The following METTL25 variants were observed in gnomAD, a reference collection of about 807,000 sequenced individuals.
The protein encoded by METTL25 is probable methyltransferase-like protein 25.
Under a neutral mutation model 71.6 loss-of-function variants are expected in METTL25, and 64 were observed. The ratio of observed to expected loss-of-function variants is 0.89; its 90% CI spans 0.73 to 1.10. The LOEUF is 1.10. Ranked by LOEUF, METTL25 falls within the 50% of genes least tolerant of loss-of-function variation. The pLI, the probability that METTL25 is intolerant of heterozygous loss-of-function variation, is 0.00. For missense variants in METTL25, 807 were observed against 707.0 expected (o/e 1.14, Z -1.60); for synonymous variants, 287 against 250.3 (o/e 1.15, Z -1.38).
At chr12:82,384,106 T>C (rs560704276) in intron 1 of METTL25, among the ~76,000 whole-genome samples, 25 of 152,210 alleles carry the variant, frequency 1.6e-4, no homozygotes, top group Non-Finnish European at 1.8e-4. Flanking sequence ...TAGAGGGAGA[T>C]GTAGGCCAAA....
At chr12:82,419,657 G>A (rs1463128901) in intron 5 of METTL25, among the ~76,000 whole-genome samples, 1 of 145,902 alleles carries the variant, frequency 6.9e-6, no homozygotes, top group Non-Finnish European at 1.5e-5. Flanking sequence ...AAACCACAAT[G>A]AAATGTCACC....
intron 1 of METTL25, among the ~76,000 whole-genome samples, chr12:82,364,511 T>A (rs778767631): frequency 1.4e-4 from 21 of 152,254 alleles, no homozygotes; most frequent in Non-Finnish European, 2.5e-4. Context: ...AAATTTTTCA[T>A]GTTTAGTAGG....
chr12:82,381,526 T>C (rs1668174017), intron 1 of METTL25, among the ~76,000 whole-genome samples: 1 of 152,220 alleles, frequency 6.6e-6, no homozygotes, highest in Admixed American at 6.5e-5. Context: ...TTAGGCAAAA[T>C]GTTTTCTAGC....
intron 8 of METTL25, among the ~76,000 whole-genome samples, chr12:82,446,469 C>G (rs2642017): frequency 0.92 from 139,499 of 152,022 alleles, 64,421 homozygotes; most frequent in East Asian, 1. Context: ...TATCAAGTAT[C>G]ATTTCTGACT....
At chr12:82,407,634 G>A (rs1887206853) in intron 5 of METTL25, among the ~76,000 whole-genome samples, 1 of 152,092 alleles carries the variant, frequency 6.6e-6, no homozygotes, top group Non-Finnish European at 1.5e-5. Flanking sequence ...TGTCAGGAAA[G>A]CAAAGAATAA....
intron 9 of METTL25, among the ~76,000 whole-genome samples, chr12:82,475,018 A>G (rs1398771560): frequency 2.6e-5 from 4 of 152,236 alleles, no homozygotes; most frequent in Admixed American, 2.6e-4. Context: ...AACAAAATCA[A>G]CAGTCTCTAG....
chr12:82,363,726 A>G (rs1882225536), intron 1 of METTL25, among the ~76,000 whole-genome samples: 1 of 81,226 alleles, frequency 1.2e-5, no homozygotes, highest in Admixed American at 1.5e-4. Flanking sequence ...AAAAAACTAG[A>G]TGTTTAAAAA....
intron 8 of METTL25, among the ~76,000 whole-genome samples, chr12:82,447,163 C>G (rs1890816368): frequency 1.3e-5 from 2 of 151,886 alleles, no homozygotes; most frequent in African/African-American, 2.4e-5. Flanking sequence ...CACGGAAGAT[C>G]AATGAAATGA....
At chr12:82,451,929 TTGG>T (rs1322835326) in intron 8 of METTL25, among the ~76,000 whole-genome samples, 1 of 152,142 alleles carries the variant, frequency 6.6e-6, no homozygotes, top group Admixed American at 6.6e-5. Context: ...TCTTTTCTCT[TTGG>T]TGAATGGTTT....
chr12:82,456,123 TTTATCCTC>T (rs914817026), intron 8 of METTL25, among the ~76,000 whole-genome samples: 13 of 152,042 alleles, frequency 8.6e-5, no homozygotes, highest in Middle Eastern at 3.4e-3. Flanking sequence ...AGTTAATTTT[TTTATCCTC>T]TTGATTTTTA....
chr12:82,464,963 A>G (rs1329604238), intron 9 of METTL25, among the ~76,000 whole-genome samples: 1 of 151,718 alleles, frequency 6.6e-6, no homozygotes, highest in Non-Finnish European at 1.5e-5. Flanking sequence ...ATGTTCTGCA[A>G]TTTTACTAAA....
chr12:82,411,552 T>C (rs1363467304), intron 5 of METTL25, among the ~76,000 whole-genome samples: 1 of 150,838 alleles, frequency 6.6e-6, no homozygotes, highest in South Asian at 2.1e-4. Flanking sequence ...TTATAAATGG[T>C]AAGAAAAAAA....
chr12:82,402,542 A>G (rs1182421183), intron 4 of METTL25, among the ~76,000 whole-genome samples: 2 of 152,164 alleles, frequency 1.3e-5, no homozygotes, highest in Non-Finnish European at 2.9e-5. Context: ...AGTTGTAAAA[A>G]GAGATCACAG....
chr12:82,386,930 G>A lies in METTL25; in HGVS notation c.387G>A (p.Leu129=), dbSNP rs757260059. 2.5e-6 allele frequency: 4 copies of A among 1,613,004 alleles called. No individual in the cohort carries two copies. The Admixed American group carries it at 5.0e-5, about 20-fold the overall frequency. ...NLGICTPFEQ[L]LVALRGNQNQ... is the part of the protein sequence containing the mutation. ...GAATATGTACTCCTTTTGAACAGTTGCTTGTAGCCCTTCGAGGAAATCAAA... is the reference window on the plus strand; with the variant it reads ...GAATATGTACTCCTTTTGAACAGTTACTTGTAGCCCTTCGAGGAAATCAAA... Residue 129 remains leucine, a synonymous_variant, in exon 2 of 12, where the codon TTG becomes TTA. Transcript: ENST00000248306.
At chr12:82,363,938 C>G (rs1381086017) in intron 1 of METTL25, among the ~76,000 whole-genome samples, 3 of 151,978 alleles carry the variant, frequency 2.0e-5, no homozygotes, top group African/African-American at 7.3e-5. Context: ...TAAAGAGCTC[C>G]AAGAAAATAC....
intron 5 of METTL25, among the ~76,000 whole-genome samples, chr12:82,409,022 A>G (rs1220859050): frequency 6.6e-6 from 1 of 152,134 alleles, no homozygotes; most frequent in African/African-American, 2.4e-5. Context: ...AGTTATTAAT[A>G]GTCTAGCATA....
At chr12:82,418,919 T>G (rs1888221067) in intron 5 of METTL25, among the ~76,000 whole-genome samples, 1 of 152,060 alleles carries the variant, frequency 6.6e-6, no homozygotes. Flanking sequence ...CTAATTTGAT[T>G]TGAGAAAAAG....
chr12:82,423,408 C>T (rs1229164079), intron 5 of METTL25, among the ~76,000 whole-genome samples: 3 of 152,160 alleles, frequency 2.0e-5, no homozygotes, highest in Admixed American at 2.0e-4. Context: ...GGATTAAAGA[C>T]TTACATGTTA....
rs1452384638 is a variant in METTL25 at position 82,399,044 on chromosome 12, G to T, written c.781G>T (p.Val261Leu). The T allele has an allele frequency of 1.2e-6, 2 of 1,612,504 alleles. No homozygotes were observed. Among genetic ancestry groups the T allele is most frequent in the Middle Eastern group, 1.7e-4 (1 of 6,050 alleles). Reference sequence around the variant, plus strand: ...TAAAAATAAAGCTGATACTGAGGAAGTGTTTAACAACAGTCCTACAAATCA... The same window carrying T: ...TAAAAATAAAGCTGATACTGAGGAATTGTTTAACAACAGTCCTACAAATCA... ...KVKNKADTEE[V>L]FNNSPTNQEK... Residue 261 changes from valine to leucine, a missense_variant, in exon 4 of 12, where the codon GTG (valine) becomes TTG (leucine). Physicochemically the swap from Val to Leu is conservative, Grantham distance 32. Transcript: ENST00000248306.
Sources: gnomAD v4.1 joint callset for allele counts (sites outside exome capture counted in the v4.1 genomes callset) on GRCh38, gnomAD v4.1.1 for gene constraint, MANE v1.5 for transcripts, NCBI Gene and HGNC (gene_info 2026-07-23, HGNC 2026-07-21) for gene names.